The following GADL1 variants were observed in gnomAD, a reference collection of about 807,000 sequenced individuals.
GADL1 encodes GAD like acidic amino acid decarboxylase 1.
In GADL1, 71 loss-of-function variants were observed where a neutral mutation model predicts 69.5. The observed-to-expected ratio is 1.02, with a 90% CI of 0.84 to 1.25. The LOEUF is 1.25. GADL1 is among the 50% of genes most tolerant of loss of function. GADL1 has a pLI of 0.00. For missense variants in GADL1, 737 were observed against 631.8 expected (o/e 1.17, Z -1.79); for synonymous variants, 254 against 214.4 (o/e 1.18, Z -1.62).
At chr3:30,839,449 A>G (rs1368473399) in intron 8 of GADL1, among the ~76,000 whole-genome samples, 2 of 145,382 alleles carry the variant, frequency 1.4e-5, no homozygotes, top group Non-Finnish European at 3.0e-5. Flanking sequence ...GACATTTTGT[A>G]TGACTCCTAA....
chr3:30,771,823 G>A (rs1395685724), intron 14 of GADL1, among the ~76,000 whole-genome samples: 1 of 152,218 alleles, frequency 6.6e-6, no homozygotes, highest in East Asian at 1.9e-4. Context: ...ATGTGTGCAT[G>A]TGTGTATGCA....
intron 14 of GADL1, among the ~76,000 whole-genome samples, chr3:30,737,732 TTTGA>T (rs1695559739): frequency 6.6e-6 from 1 of 152,314 alleles, no homozygotes; most frequent in Admixed American, 6.5e-5. Flanking sequence ...AAAGCCATAC[TTTGA>T]TTGGACATAC....
chr3:30,757,710 CAA>C (rs779293909), intron 14 of GADL1, among the ~76,000 whole-genome samples: 2 of 152,100 alleles, frequency 1.3e-5, no homozygotes, highest in Admixed American at 1.3e-4. Context: ...ATCAGATTCA[CAA>C]AATCACAAGA....
At chr3:30,891,421 A>G (rs1368978698) in intron 1 of GADL1, among the ~76,000 whole-genome samples, 4 of 152,104 alleles carry the variant, frequency 2.6e-5, no homozygotes, top group African/African-American at 9.7e-5. Context: ...TGTCATTTCA[A>G]GGAACTTAAA....
intron 14 of GADL1, among the ~76,000 whole-genome samples, chr3:30,751,227 A>C (rs574840950): frequency 1.3e-5 from 2 of 152,190 alleles, no homozygotes; most frequent in Admixed American, 1.3e-4. Context: ...GTCACAGGCC[A>C]ATCCTTCAAA....
chr3:30,827,078 T>TAA (rs1294606331), intron 11 of GADL1, among the ~76,000 whole-genome samples: 2 of 151,906 alleles, frequency 1.3e-5, no homozygotes, highest in African/African-American at 4.8e-5. Context: ...GGATGCATGA[T>TAA]AAAGGACATA....
chr3:30,818,929 T>G (rs1361762144), intron 11 of GADL1, among the ~76,000 whole-genome samples: 1 of 152,242 alleles, frequency 6.6e-6, no homozygotes, highest in African/African-American at 2.4e-5. Flanking sequence ...CATGCCCCTA[T>G]TTCCAGGCTT....
chr3:30,878,812 TAATC>T (rs1698608811), intron 1 of GADL1, among the ~76,000 whole-genome samples: 1 of 151,928 alleles, frequency 6.6e-6, no homozygotes, highest in Non-Finnish European at 1.5e-5. Flanking sequence ...GTTCTTTAAT[TAATC>T]CTGTCTTCCA....
intron 1 of GADL1, among the ~76,000 whole-genome samples, chr3:30,865,610 C>T (rs1327809631): frequency 6.6e-6 from 1 of 151,976 alleles, no homozygotes; most frequent in Non-Finnish European, 1.5e-5. Context: ...ATGCAATAGA[C>T]ATAGAACACA....
chr3:30,843,908 G>T (rs1222800650), intron 8 of GADL1, among the ~76,000 whole-genome samples: 3 of 152,202 alleles, frequency 2.0e-5, no homozygotes, highest in Non-Finnish European at 2.9e-5. Context: ...TTGATCCTTA[G>T]AGCTGCTTCT....
intron 1 of GADL1, among the ~76,000 whole-genome samples, chr3:30,863,663 C>T (rs762633015): frequency 6.6e-6 from 1 of 151,894 alleles, no homozygotes; most frequent in Non-Finnish European, 1.5e-5. Flanking sequence ...CTGTACCTCA[C>T]ACAGTATCTT....
chr3:30,753,465 G>C (rs75367409), intron 14 of GADL1, among the ~76,000 whole-genome samples: 2 of 151,508 alleles, frequency 1.3e-5, no homozygotes, highest in Admixed American at 6.6e-5. Flanking sequence ...AAAATTCTCA[G>C]GTTTTTTCAA....
chr3:30,848,156 T>C (rs1698086733), intron 6 of GADL1, among the ~76,000 whole-genome samples: 2 of 152,126 alleles, frequency 1.3e-5, no homozygotes, highest in African/African-American at 4.8e-5. Flanking sequence ...CTCTATTCAA[T>C]AACAATCCCA....
At chr3:30,764,111 T>C (rs1696209235) in intron 14 of GADL1, among the ~76,000 whole-genome samples, 2 of 152,008 alleles carry the variant, frequency 1.3e-5, no homozygotes, top group African/African-American at 4.8e-5. Flanking sequence ...AAATGTACAT[T>C]ATATATACTT....
At chr3:30,791,172 AAAAG>A (rs2125502036) in intron 12 of GADL1, among the ~76,000 whole-genome samples, 1 of 152,250 alleles carries the variant, frequency 6.6e-6, no homozygotes, top group South Asian at 2.1e-4. Flanking sequence ...TAGTTTTTGA[AAAAG>A]AACTTAAAAA....
At chr3:30,776,227 C>A (rs758561651) in intron 14 of GADL1, among the ~76,000 whole-genome samples, 3 of 152,204 alleles carry the variant, frequency 2.0e-5, no homozygotes, top group Non-Finnish European at 4.4e-5. Flanking sequence ...ACACAAATAT[C>A]ACATTCTTCA....
At chr3:30,803,792 A>G (rs1196225670) in intron 11 of GADL1, among the ~76,000 whole-genome samples, 1 of 152,238 alleles carries the variant, frequency 6.6e-6, no homozygotes, top group Non-Finnish European at 1.5e-5. Context: ...AATGGATGAG[A>G]TGTCCTTTAG....
At chr3:30,836,982 C>A (rs1050846112) in intron 9 of GADL1, among the ~76,000 whole-genome samples, 3 of 152,024 alleles carry the variant, frequency 2.0e-5, no homozygotes, top group African/African-American at 7.2e-5. Flanking sequence ...TAAGCACCCC[C>A]ATTTTTTGTG....
At chr3:30,812,738 T>C (rs1362071026) in intron 11 of GADL1, among the ~76,000 whole-genome samples, 1 of 152,172 alleles carries the variant, frequency 6.6e-6, no homozygotes, top group African/African-American at 2.4e-5. Flanking sequence ...TTGGCTCTGA[T>C]AGGAAGAACT....
Sources: allele counts gnomAD v4.1 joint callset (sites outside exome capture counted in the v4.1 genomes callset), GRCh38; gene constraint gnomAD v4.1.1; transcripts MANE v1.5; gene names NCBI Gene and HGNC (gene_info 2026-07-23, HGNC 2026-07-21).